TTC23L: variants seen among roughly 807,000 people sequenced by gnomAD.
TTC23L encodes the protein tetratricopeptide repeat domain 23 like.
TTC23L carries 42 observed loss-of-function variants against 48.1 expected under a neutral mutation model. That is an observed-to-expected ratio of 0.87 (90% CI 0.68 to 1.13). The LOEUF (loss-of-function observed/expected upper bound fraction) is 1.13. Ranked by LOEUF, TTC23L falls within the 50% of genes most tolerant of loss-of-function variation. The pLI, the probability that TTC23L is intolerant of heterozygous loss-of-function variation, is 0.00. For missense variants in TTC23L, 391 were observed against 421.0 expected, an observed-to-expected ratio of 0.93 and a Z score of 0.62; for synonymous variants, 159 against 157.2, an observed-to-expected ratio of 1.01 and a Z score of -0.09.
At chr5:34,909,688 C>A in the TTC23L span, among the ~76,000 whole-genome samples, 1 of 152,088 alleles carries the variant, frequency 6.6e-6, no homozygotes, top group East Asian at 1.9e-4. Flanking sequence ...TCATGGAAGA[C>A]CTTGATCTAA....
the TTC23L span, among the ~76,000 whole-genome samples, chr5:34,910,947 C>G: frequency 6.6e-6 from 1 of 152,192 alleles, no homozygotes; most frequent in Non-Finnish European, 1.5e-5. Flanking sequence ...CTGAAAACTG[C>G]CCTCCCTTGG....
chr5:34,882,843 C>A (rs1762320212), intron 9 of TTC23L, among the ~76,000 whole-genome samples: 1 of 151,996 alleles, frequency 6.6e-6, no homozygotes, highest in Non-Finnish European at 1.5e-5. Context: ...GGTTTGAGAC[C>A]AGCCTGGGCA....
In TTC23L at chr5:34,862,820, C is replaced by T. The variant is rs956923197; in HGVS notation, c.380-78C>T. The T allele has an allele frequency of 7.1e-6, 11 of 1,555,960 alleles. No homozygotes were observed. The African/African-American group carries it at 1.2e-4, about 17-fold the overall frequency. ...CGACAACTGCACTGCCCACTTTATC[C>T]CCTCCCAGGAATGTTTTTGACTGAA... On this transcript the variant is annotated intron_variant, in intron 4 of 10. Transcript: ENST00000505624.
At chr5:34,872,968 C>T (rs1761569245) in intron 8 of TTC23L, among the ~76,000 whole-genome samples, 1 of 151,878 alleles carries the variant, frequency 6.6e-6, no homozygotes, top group Admixed American at 6.6e-5. Context: ...GAGGCTGAGA[C>T]AGGAGACTTG....
chr5:34,923,022 T>C, the TTC23L span: 9 of 1,540,496 alleles, frequency 5.8e-6, no homozygotes, highest in Non-Finnish European at 8.1e-6. Flanking sequence ...ATTACCACAT[T>C]ATGCTTTGTT....
At chr5:34,920,810 C>T in the TTC23L span, 1 of 151,790 alleles carries the variant, frequency 6.6e-6, no homozygotes, top group African/African-American at 2.4e-5. Flanking sequence ...TATTCTAAGA[C>T]CAGTAAGAAA....
the TTC23L span, among the ~76,000 whole-genome samples, chr5:34,910,166 A>G: frequency 2.6e-5 from 4 of 152,126 alleles, no homozygotes; most frequent in African/African-American, 9.7e-5. Flanking sequence ...TAACATATCC[A>G]GGAAAAAATT....
At chr5:34,896,995 G>A in intron 10 of TTC23L, 120 bp downstream of exon 10, 154 of 461,278 alleles carry the variant, frequency 3.3e-4, no homozygotes, top group South Asian at 1.6e-3. Context: ...GTAGCAGAAA[G>A]ACAAAAATCA....
At chr5:34,866,952 C>G (rs772840217) in exon 7 of TTC23L, 3 of 1,609,982 alleles carry the variant, frequency 1.9e-6, no homozygotes, top group East Asian at 2.2e-5. Flanking sequence ...AGGCAATTGG[C>G]GATGTTATTG....
chr5:34,923,099 G>A, the TTC23L span: 1 of 1,582,854 alleles, frequency 6.3e-7, no homozygotes, highest in Admixed American at 1.7e-5. Flanking sequence ...GATATATCTT[G>A]GAATAAGGAA....
chr5:34,921,532 TAAG>T, the TTC23L span: 9 of 152,344 alleles, frequency 5.9e-5, no homozygotes, highest in East Asian at 1.9e-4. Context: ...AGGATTAACA[TAAG>T]AAGATTAGTT....
the TTC23L span, chr5:34,915,923 A>C: frequency 6.6e-7 from 1 of 1,514,576 alleles, no homozygotes; most frequent in Non-Finnish European, 8.8e-7. Context: ...CCCGGGCTAC[A>C]CCTGCGGCGG....
At chr5:34,845,430 C>T (rs1759028181) in intron 2 of TTC23L, 57 bp from the exon 3 acceptor site, 1 of 1,545,610 alleles carries the variant, frequency 6.5e-7, no homozygotes, top group South Asian at 1.2e-5. Flanking sequence ...TTCAATTTTA[C>T]CTTGTTTGAG....
At chr5:34,922,818 T>C in the TTC23L span, 2 of 1,505,454 alleles carry the variant, frequency 1.3e-6, no homozygotes, top group Non-Finnish European at 1.8e-6. Flanking sequence ...TCTGGCATGG[T>C]TGTTTTTAGT....
At chr5:34,842,101 A>G (rs963974593) in intron 2 of TTC23L, among the ~76,000 whole-genome samples, 4 of 152,222 alleles carry the variant, frequency 2.6e-5, no homozygotes, top group Non-Finnish European at 4.4e-5. Flanking sequence ...TGCAAACCAC[A>G]TATGTAATTT....
intron 9 of TTC23L, chr5:34,883,288 C>A: frequency 6.5e-6 from 1 of 154,544 alleles, no homozygotes; most frequent in Non-Finnish European, 1.4e-5. Context: ...GTTGTCAACC[C>A]AAGATTTTTG....
chr5:34,925,552 T>G, the TTC23L span: 64 of 1,450,514 alleles, frequency 4.4e-5, no homozygotes, highest in African/African-American at 8.6e-4. Flanking sequence ...GTATTCAATG[T>G]GTAAATACTT....
At chr5:34,845,953 T>C (rs937474517) in intron 3 of TTC23L, among the ~76,000 whole-genome samples, 1 of 152,056 alleles carries the variant, frequency 6.6e-6, no homozygotes, top group Admixed American at 6.6e-5. Flanking sequence ...TCCCAACACC[T>C]TGGAAAACCG....
chr5:34,848,281 A>G (rs1178014502), intron 3 of TTC23L, among the ~76,000 whole-genome samples: 1 of 152,214 alleles, frequency 6.6e-6, no homozygotes, highest in Non-Finnish European at 1.5e-5. Flanking sequence ...TGACTTGAAG[A>G]TACAGTTCGG....
Sources: gnomAD v4.1 joint callset for allele counts (sites outside exome capture counted in the v4.1 genomes callset) on GRCh38, gnomAD v4.1.1 for gene constraint, MANE v1.5 for transcripts, NCBI Gene and HGNC (gene_info 2026-07-23, HGNC 2026-07-21) for gene names.